Variants in TENT2 observed in about 807,000 individuals in gnomAD.
TENT2 encodes the protein poly(A) RNA polymerase GLD2.
Under a neutral mutation model 72.2 loss-of-function variants are expected in TENT2, and 44 were observed. The ratio of observed to expected loss-of-function variants is 0.61; its 90% CI spans 0.48 to 0.78. TENT2 has a LOEUF of 0.78. Among genes scored for constraint, TENT2 ranks in the 30% least tolerant of loss-of-function variants. The pLI, the probability that TENT2 is intolerant of heterozygous loss-of-function variation, is 0.00. For synonymous variants in TENT2, 212 were observed against 192.5 expected (o/e 1.10, Z -0.84); for missense variants, 541 against 569.6 (o/e 0.95, Z 0.51).
chr5:79,653,642 C>G (rs1795807857), intron 10 of TENT2, among the ~76,000 whole-genome samples: 1 of 152,078 alleles, frequency 6.6e-6, no homozygotes, highest in African/African-American at 2.4e-5. Flanking sequence ...TCAGCCATTC[C>G]TAGGTCTTTC....
At chr5:79,630,553 G>T (rs1303722933) in intron 4 of TENT2, among the ~76,000 whole-genome samples, 3 of 152,122 alleles carry the variant, frequency 2.0e-5, no homozygotes, top group Non-Finnish European at 4.4e-5. Flanking sequence ...CTCTAGCCTG[G>T]GCGACAGAGT....
intron 6 of TENT2, among the ~76,000 whole-genome samples, 192 bp downstream of exon 6, chr5:79,641,388 T>C (rs1784303091): frequency 6.6e-6 from 1 of 151,880 alleles, no homozygotes; most frequent in Non-Finnish European, 1.5e-5. Flanking sequence ...ATAGGAAGTA[T>C]AGCATTAATT....
At chr5:79,658,714 A>G (rs574294706) in intron 11 of TENT2, among the ~76,000 whole-genome samples, 1 of 152,180 alleles carries the variant, frequency 6.6e-6, no homozygotes, top group Middle Eastern at 3.4e-3. Flanking sequence ...CTCACTTAAA[A>G]CCCTATGCTA....
At chr5:79,651,125 C>T (rs1163524647) in intron 10 of TENT2, among the ~76,000 whole-genome samples, 1 of 151,606 alleles carries the variant, frequency 6.6e-6, no homozygotes, top group Admixed American at 6.6e-5. Flanking sequence ...ATTTTCACAC[C>T]CAAAAATTGT....
intron 10 of TENT2, among the ~76,000 whole-genome samples, chr5:79,649,520 A>G (rs371247223): frequency 2.0e-5 from 3 of 151,952 alleles, no homozygotes; most frequent in Non-Finnish European, 1.5e-5. Flanking sequence ...CTCAAGTACT[A>G]TTCATCATAT....
chr5:79,640,196 C>T (rs921569911), intron 4 of TENT2, among the ~76,000 whole-genome samples: 2 of 150,402 alleles, frequency 1.3e-5, no homozygotes, highest in African/African-American at 2.5e-5. Context: ...GCTGAGGTTG[C>T]AGTGAGCCGA....
At chr5:79,683,918 C>T (rs1427099394) in intron 14 of TENT2, among the ~76,000 whole-genome samples, 4 of 77,330 alleles carry the variant, frequency 5.2e-5, no homozygotes, top group Admixed American at 1.8e-4. Flanking sequence ...AGCGAGACTC[C>T]GTCTCAAAAA....
In TENT2 at chr5:79,623,273, C is replaced by T; in HGVS notation, c.249C>T (p.Asn83=). The change falls in exon 4 of 15, where the codon AAC becomes AAT. Residue 83 remains asparagine, a synonymous_variant. Coordinates refer to ENST00000453514, the MANE Select transcript of TENT2 (RefSeq NM_001114394.3). ...TCAGGAGATTAAGCGATGAAAAAAA[C>T]CTTCCTCTTGACGGTAAACGGCAAC... The part of the protein sequence containing the change: ...RGRKRLSDEK[N]LPLDGKRQRF... 1 of 1,611,724 alleles carries T rather than the reference C, an allele frequency of 6.2e-7. No individual in the cohort carries two copies. The highest frequency in any genetic ancestry group is 8.5e-7 in the Non-Finnish European group (1 of 1,178,956).
intron 4 of TENT2, among the ~76,000 whole-genome samples, chr5:79,624,959 A>G (rs1768242407): frequency 6.6e-6 from 1 of 152,228 alleles, no homozygotes; most frequent in Non-Finnish European, 1.5e-5. Flanking sequence ...TAACTTTGTG[A>G]GGAACTGCTG....
At chr5:79,633,498 T>C (rs1212149022) in intron 4 of TENT2, among the ~76,000 whole-genome samples, 1 of 139,076 alleles carries the variant, frequency 7.2e-6, no homozygotes, top group Non-Finnish European at 1.5e-5. Flanking sequence ...TGGAGTGCAA[T>C]GGCTTGATCT....
intron 12 of TENT2, among the ~76,000 whole-genome samples, chr5:79,675,798 A>G (rs1382095768): frequency 6.6e-6 from 1 of 152,192 alleles, no homozygotes; most frequent in Non-Finnish European, 1.5e-5. Flanking sequence ...TCCAGGTGAC[A>G]GTTTCCAATA....
intron 11 of TENT2, among the ~76,000 whole-genome samples, chr5:79,668,099 G>A (rs1371415573): frequency 6.6e-6 from 1 of 152,028 alleles, no homozygotes; most frequent in Non-Finnish European, 1.5e-5. Flanking sequence ...ATATTCGAGA[G>A]CCAGAACTTG....
intron 12 of TENT2, among the ~76,000 whole-genome samples, chr5:79,678,016 GT>G (rs1205089156): frequency 5.3e-5 from 8 of 152,062 alleles, no homozygotes; most frequent in Non-Finnish European, 7.4e-5. Context: ...TAGTCTTTCT[GT>G]TTGGAGTCTG....
chr5:79,656,943 T>G lies in TENT2; in HGVS notation c.1028-15T>G, dbSNP rs1420556367. ...CACGTGAATCACGGAAGCTTTAAAC[T>G]TTTTCTTTTTATAGCCCTACCTGAA... On this transcript the variant is annotated splice_polypyrimidine_tract_variant and intron_variant, in intron 10 of 14. Transcript: ENST00000453514. 2.4e-5 allele frequency: 38 copies of G among 1,594,220 alleles called. No individual in the cohort carries two copies. Among genetic ancestry groups the G allele is most frequent in the Non-Finnish European group, 3.3e-5 (38 of 1,168,630 alleles).
chr5:79,626,839 A>G (rs980068655), intron 4 of TENT2, among the ~76,000 whole-genome samples: 7 of 152,096 alleles, frequency 4.6e-5, no homozygotes, highest in African/African-American at 1.7e-4. Flanking sequence ...ATGAACGTAT[A>G]AGAACCTTTT....
chr5:79,637,440 T>G (rs1018521077), intron 4 of TENT2, among the ~76,000 whole-genome samples: 2 of 152,152 alleles, frequency 1.3e-5, no homozygotes, highest in Non-Finnish European at 2.9e-5. Flanking sequence ...TATTTCAGTG[T>G]TTTTGAGACA....
chr5:79,620,105 TA>T, intron 3 of TENT2, 22 bp downstream of exon 3: 1 of 1,502,608 alleles, frequency 6.7e-7, no homozygotes, highest in East Asian at 2.3e-5. Flanking sequence ...TTAATTATTT[TA>T]AAAGAATATT....
At position 79,685,230 on chromosome 5, in the gene TENT2, T is replaced by C; in HGVS notation, c.1412T>C (p.Leu471Ser). ...CACAGATTGAAAAACAAGAGAGATT[T>C]GAACAGTATACTACCTGTAAGAGCT... is the stretch of plus-strand genomic sequence containing the variant. ...SWHRLKNKRDLNSILPVRAAV... is the reference protein window; with the variant it reads ...SWHRLKNKRDSNSILPVRAAV... Residue 471 changes from leucine to serine, a missense_variant, in exon 15 of 15, where the codon TTG becomes TCG. Physicochemically the swap from Leu to Ser is moderately radical, Grantham distance 145 (BLOSUM62 -2). Coordinates refer to ENST00000453514, the MANE Select transcript of TENT2 (RefSeq NM_001114394.3). 1 of 1,607,648 alleles carries C rather than the reference T, an allele frequency of 6.2e-7. No homozygotes were observed. The highest frequency in any genetic ancestry group is 1.1e-5 in the South Asian group (1 of 89,010).
intron 10 of TENT2, among the ~76,000 whole-genome samples, chr5:79,655,596 T>C (rs187307590): frequency 2.6e-5 from 4 of 152,178 alleles, no homozygotes; most frequent in African/African-American, 7.2e-5. Flanking sequence ...AAAAGTCTTA[T>C]ACAAATAGAG....
Sources: allele counts gnomAD v4.1 joint callset (sites outside exome capture counted in the v4.1 genomes callset), GRCh38; gene constraint gnomAD v4.1.1; transcripts MANE v1.5; gene names NCBI Gene and HGNC (gene_info 2026-07-23, HGNC 2026-07-21).